MLLT10: variants seen among roughly 807,000 people sequenced by gnomAD.
MLLT10 encodes the protein MLLT10 histone lysine methyltransferase DOT1L cofactor, also known as protein AF-10.
In MLLT10, 30 loss-of-function variants were observed where a neutral mutation model predicts 129.1. The observed-to-expected ratio is 0.23, with a 90% CI of 0.17 to 0.32. The LOEUF (loss-of-function observed/expected upper bound fraction) is 0.32. Among genes scored for constraint, MLLT10 ranks in the 10% least tolerant of loss-of-function variants. The probability of loss-of-function intolerance (pLI) is 1.00; values close to 1 mark genes in which losing one functional copy is unlikely to be tolerated. For missense variants in MLLT10, 1,119 were observed against 1,268.3 expected (o/e 0.88, Z 1.79); for synonymous variants, 490 against 446.4 (o/e 1.10, Z -1.23).
chr10:21,565,706 A>G (rs542344492), intron 3 of MLLT10, among the ~76,000 whole-genome samples: 16 of 151,332 alleles, frequency 1.1e-4, no homozygotes, highest in Non-Finnish European at 2.4e-4. Context: ...CCTGGGCTCA[A>G]ACTGTTCCCC....
rs775593064 is a variant in MLLT10, at chr10:21,732,879, A to C, written c.2219-20A>C. ...ATGTGTGTACTTGTCATTATTAAAA[A>C]CTATCCAAATGTGTGGTAGTTTTAG... On this transcript the variant is annotated intron_variant, in intron 17 of 22. Transcript: ENST00000307729. The C allele has an allele frequency of 2.5e-6, 4 of 1,605,728 alleles. No homozygotes were observed. Among genetic ancestry groups the C allele is most frequent in the Non-Finnish European group, 3.4e-6 (4 of 1,175,890 alleles).
intron 3 of MLLT10, among the ~76,000 whole-genome samples, chr10:21,544,801 A>G (rs894344717): frequency 1.6e-4 from 24 of 152,208 alleles, no homozygotes; most frequent in Admixed American, 6.5e-4. Flanking sequence ...GAGCAAGTGA[A>G]GACTAAAGAA....
At chr10:21,581,480 T>C (rs2041451411) in intron 3 of MLLT10, among the ~76,000 whole-genome samples, 1 of 152,160 alleles carries the variant, frequency 6.6e-6, no homozygotes, top group African/African-American at 2.4e-5. Flanking sequence ...AGTCAGTGAG[T>C]AAGTGGTGAG....
At position 21,620,305 on chromosome 10, in the gene MLLT10, T is replaced by G. The variant is rs187794027; in HGVS notation, c.699+3098T>G. Among the ~76,000 whole-genome samples, 626 of 152,292 alleles carry G rather than the reference T, an allele frequency of 4.1e-3. 1 individual carries two copies. Among genetic ancestry groups the G allele is most frequent in the Non-Finnish European group, 6.2e-3 (420 of 68,016 alleles). ...ATGTTTTTAGTGTTGCATTGAAAGGTAACGCTCATAATCAAGTCAGACATT... is the reference window on the plus strand; with the variant it reads ...ATGTTTTTAGTGTTGCATTGAAAGGGAACGCTCATAATCAAGTCAGACATT... On this transcript the variant is annotated intron_variant, in intron 8 of 22. Transcript: ENST00000307729.
chr10:21,725,490 G>A (rs539315474), intron 14 of MLLT10, among the ~76,000 whole-genome samples: 3 of 152,148 alleles, frequency 2.0e-5, no homozygotes, highest in African/African-American at 4.8e-5. Context: ...AGGCCGAGGC[G>A]GGTGGATCAC....
intron 7 of MLLT10, among the ~76,000 whole-genome samples, chr10:21,615,149 T>C (rs2045101114): frequency 6.6e-6 from 1 of 152,094 alleles, no homozygotes; most frequent in African/African-American, 2.4e-5. Flanking sequence ...TCTAAAGTAC[T>C]CTCATTTAGA....
In MLLT10 at chr10:21,605,508, C is replaced by G. The variant is rs147021865; in HGVS notation, c.406-6840C>G. 8.7e-3 allele frequency among the ~76,000 whole-genome samples: 1,328 copies of G among 152,200 alleles called. 24 individuals are homozygous for G. Among genetic ancestry groups the G allele is most frequent in the African/African-American group, 0.03 (1,263 of 41,520 alleles). On this transcript the variant is annotated intron_variant, in intron 5 of 22. Coordinates refer to ENST00000307729, the MANE Select transcript of MLLT10 (RefSeq NM_001195626.3). The stretch of plus-strand genomic sequence containing the variant: ...TCACCCTGTTTGGATTGCAGTGGCA[C>G]TGTCACGGTCACTGCAACATCAACC...
intron 3 of MLLT10, 65 bp downstream of exon 3, chr10:21,538,977 C>G: frequency 1.7e-6 from 2 of 1,161,368 alleles, no homozygotes; most frequent in African/African-American, 1.5e-5. Flanking sequence ...GAACTGCACT[C>G]CTGTTGTGGT....
intron 14 of MLLT10, among the ~76,000 whole-genome samples, chr10:21,715,154 G>A (rs891349228): frequency 2.0e-5 from 3 of 152,214 alleles, no homozygotes; most frequent in Admixed American, 6.5e-5. Context: ...TTTCCATTGC[G>A]TGTGTTGTTA....
rs1299446951 is a variant in MLLT10 at position 21,669,172 on chromosome 10, A to T, written c.796-1277A>T. 3.3e-6 allele frequency: 3 copies of T among 916,696 alleles called. No homozygotes were observed. In the African/African-American group the frequency reaches 5.2e-5, roughly 16 times the overall value. The allele number at this position is 916,696 out of a possible 1,614,324, so 56.8% of individuals were successfully genotyped here. On this transcript the variant is annotated intron_variant, in intron 9 of 22. Transcript: ENST00000307729. ...TTTGTGGATTGTAGTTTGTTAGAAT[A>T]GTGGAGTACTTTGTTTTTATGAAAT... is the stretch of plus-strand genomic sequence containing the variant.
intron 9 of MLLT10, among the ~76,000 whole-genome samples, chr10:21,660,615 C>CAAAAAAAAAAAAAAAAAAAA (rs55685640): frequency 2.4e-5 from 1 of 41,824 alleles, no homozygotes; most frequent in African/African-American, 1.0e-4. Context: ...GACTCCATCT[C>CAAAAAAAAAAAAAAAAAAAA]AAAAAAAAAA....
chr10:21,575,496 T>C lies in MLLT10; in HGVS notation c.241-10798T>C, dbSNP rs2040638481. Among the ~76,000 whole-genome samples the C allele has an allele frequency of 3.9e-5, 6 of 152,118 alleles. 1 individual carries two copies. In the South Asian group the frequency reaches 1.2e-3, roughly 32 times the overall value. ...ACAGGCGTGAGCCACCATATCCGGC[T>C]GCTAGGTCATTAATTTTATATCTTT... is the stretch of plus-strand genomic sequence containing the variant. On this transcript the variant is annotated intron_variant, in intron 3 of 22. Transcript: ENST00000307729.
intron 5 of MLLT10, among the ~76,000 whole-genome samples, chr10:21,596,024 T>A (rs2042987510): frequency 6.6e-6 from 1 of 152,132 alleles, no homozygotes; most frequent in African/African-American, 2.4e-5. Flanking sequence ...TTAAATATAG[T>A]TTTATTATTT....
chr10:21,553,451 G>A (rs750524497), intron 3 of MLLT10, among the ~76,000 whole-genome samples: 39 of 150,808 alleles, frequency 2.6e-4, no homozygotes, highest in Non-Finnish European at 3.4e-4. Flanking sequence ...TCAGCCTCCC[G>A]AGTAGCTGAG....
intron 4 of MLLT10, among the ~76,000 whole-genome samples, chr10:21,589,215 T>A (rs35587371): frequency 0.22 from 34,094 of 151,842 alleles, 4,933 homozygotes; most frequent in Middle Eastern, 0.45. Flanking sequence ...TTTAAAAAAA[T>A]TTTTTTTTAC....
At chr10:21,704,016 G>GTTTTTT (rs60982595) in intron 13 of MLLT10, among the ~76,000 whole-genome samples, 905 of 56,574 alleles carry the variant, frequency 0.016, 48 homozygotes, top group Non-Finnish European at 0.018. Context: ...ATTGTTTTTT[G>GTTTTTT]TTTTTTTTTT....
intron 4 of MLLT10, among the ~76,000 whole-genome samples, chr10:21,587,423 CAAAA>C (rs35976402): frequency 4.7e-5 from 2 of 42,342 alleles, no homozygotes; most frequent in African/African-American, 1.9e-4. Context: ...GACCCTGCCT[CAAAA>C]AAAAAAAAAA....
chr10:21,640,501 A>C (rs1460988015), intron 8 of MLLT10, among the ~76,000 whole-genome samples: 2 of 151,822 alleles, frequency 1.3e-5, no homozygotes, highest in Non-Finnish European at 2.9e-5. Context: ...AGCTGTAACC[A>C]GAGTATCAGT....
At chr10:21,536,358 C>T (rs903593490) in intron 2 of MLLT10, among the ~76,000 whole-genome samples, 3 of 151,974 alleles carry the variant, frequency 2.0e-5, no homozygotes, top group Non-Finnish European at 2.9e-5. Context: ...ATTTTGAAGG[C>T]CAATGAATTT....
Sources: allele counts gnomAD v4.1 joint callset (sites outside exome capture counted in the v4.1 genomes callset), GRCh38; gene constraint gnomAD v4.1.1; transcripts MANE v1.5; gene names NCBI Gene and HGNC (gene_info 2026-07-23, HGNC 2026-07-21).